Variants in TAFA4 observed in about 807,000 individuals in gnomAD.
TAFA4 encodes TAFA chemokine like family member 4.
In TAFA4, 20 loss-of-function variants were observed where a neutral mutation model predicts 21.1. The ratio of observed to expected loss-of-function variants is 0.95; its 90% CI spans 0.67 to 1.38. The LOEUF (loss-of-function observed/expected upper bound fraction) is 1.38, where lower values mean the gene tolerates loss of function less well. Among genes scored for constraint, TAFA4 ranks in the 40% most tolerant of loss-of-function variants. The pLI, the probability that TAFA4 is intolerant of heterozygous loss-of-function variation, is 0.00. For missense variants in TAFA4, 211 were observed against 180.9 expected (o/e 1.17, Z -0.95); for synonymous variants, 71 against 67.4 (o/e 1.05, Z -0.26).
rs926707768 is a variant in TAFA4 at position 68,843,908 on chromosome 3, A to G, written c.130+36822T>C. ...AATTAGCTTTTTGATGTGCTGCTGG[A>G]TTTGGTTTGCCAGTATTTTATTGAG... On this transcript the variant is annotated intron_variant, in intron 3 of 5. Transcript: ENST00000295569. 3.3e-5 allele frequency among the ~76,000 whole-genome samples: 5 copies of G among 152,178 alleles called. No homozygotes were observed. In the South Asian group the frequency reaches 1.0e-3, roughly 31 times the overall value.
intron 3 of TAFA4, among the ~76,000 whole-genome samples, chr3:68,852,167 A>G (rs1483862256): frequency 6.6e-6 from 1 of 152,202 alleles, no homozygotes; most frequent in African/African-American, 2.4e-5. Flanking sequence ...ACGGAGGCCA[A>G]TACAGAAAGA....
intron 3 of TAFA4, among the ~76,000 whole-genome samples, chr3:68,797,331 G>C (rs888331999): frequency 1.3e-5 from 2 of 152,032 alleles, no homozygotes; most frequent in African/African-American, 4.8e-5. Flanking sequence ...AAGGAAGACA[G>C]GGCCAGGTGT....
At chr3:68,917,340 T>C (rs1301500034) in intron 1 of TAFA4, among the ~76,000 whole-genome samples, 1 of 152,180 alleles carries the variant, frequency 6.6e-6, no homozygotes. Context: ...TATGAGACTG[T>C]GGTGGTTCTA....
chr3:68,865,519 C>T (rs1361900062), intron 3 of TAFA4, among the ~76,000 whole-genome samples: 1 of 152,078 alleles, frequency 6.6e-6, no homozygotes, highest in East Asian at 1.9e-4. Context: ...TGCCTGCCAC[C>T]ATGTAAAACA....
chr3:68,769,747 CCCA>C (rs1259477993), intron 3 of TAFA4, among the ~76,000 whole-genome samples: 2 of 152,196 alleles, frequency 1.3e-5, no homozygotes, highest in East Asian at 1.9e-4. Flanking sequence ...ATGCAGAAAT[CCCA>C]CCGAGTAGCA....
intron 3 of TAFA4, among the ~76,000 whole-genome samples, chr3:68,841,912 T>C (rs1390591573): frequency 6.6e-6 from 1 of 152,236 alleles, no homozygotes; most frequent in African/African-American, 2.4e-5. Flanking sequence ...TTCCATGGTG[T>C]ATATGTGCCA....
At chr3:68,766,299 G>GTCTT (rs1248885098) in intron 3 of TAFA4, among the ~76,000 whole-genome samples, 3 of 151,916 alleles carry the variant, frequency 2.0e-5, no homozygotes, top group Admixed American at 6.6e-5. Context: ...ATCTCATTAA[G>GTCTT]TCTTTGATAA....
rs546388060 is a variant in TAFA4, at chr3:68,914,858, T to TG, written c.-123+17381dup. 2.5e-3 allele frequency among the ~76,000 whole-genome samples: 373 copies of TG among 152,140 alleles called. 2 individuals carry two copies. Among genetic ancestry groups the TG allele is most frequent in the African/African-American group, 8.6e-3 (355 of 41,520 alleles). ...AATCGTGTTGACCTTCCCAAATGGT[T>TG]GGGGGAAAAAAAGAATAGTATTTAT... On this transcript the variant is annotated intron_variant, in intron 1 of 5. Coordinates refer to ENST00000295569, the MANE Select transcript of TAFA4 (RefSeq NM_182522.5).
intron 3 of TAFA4, among the ~76,000 whole-genome samples, chr3:68,807,715 G>T (rs184481402): frequency 2.6e-5 from 4 of 152,324 alleles, no homozygotes; most frequent in African/African-American, 9.6e-5. Flanking sequence ...TGTCAATCCA[G>T]AGAGTTGTTT....
At chr3:68,740,308 G>T (rs940198946) in intron 4 of TAFA4, among the ~76,000 whole-genome samples, 2 of 152,168 alleles carry the variant, frequency 1.3e-5, no homozygotes, top group Admixed American at 1.3e-4. Flanking sequence ...TCTTAAGTTT[G>T]ATGCTGTCAA....
At chr3:68,802,748 C>T (rs372846967) in intron 3 of TAFA4, among the ~76,000 whole-genome samples, 6 of 152,244 alleles carry the variant, frequency 3.9e-5, no homozygotes, top group East Asian at 1.9e-4. Context: ...ATCTTTCCAC[C>T]GCACAGTAAC....
intron 1 of TAFA4, among the ~76,000 whole-genome samples, chr3:68,891,882 A>G (rs957741670): frequency 2.6e-5 from 4 of 152,236 alleles, no homozygotes; most frequent in African/African-American, 9.6e-5. Flanking sequence ...CTTAAATAAC[A>G]CAATCACATT....
intron 3 of TAFA4, among the ~76,000 whole-genome samples, chr3:68,866,905 C>A (rs1383593372): frequency 6.6e-6 from 1 of 151,730 alleles, no homozygotes; most frequent in Non-Finnish European, 1.5e-5. Flanking sequence ...TGAAAAGGAA[C>A]AAAGGACACC....
intron 1 of TAFA4, among the ~76,000 whole-genome samples, chr3:68,905,535 A>G (rs1289366486): frequency 6.6e-6 from 1 of 152,172 alleles, no homozygotes; most frequent in East Asian, 1.9e-4. Flanking sequence ...TTAAAATTAG[A>G]TCAAAGAAAG....
chr3:68,764,053 G>A (rs143130003), intron 3 of TAFA4, among the ~76,000 whole-genome samples: 4 of 152,108 alleles, frequency 2.6e-5, no homozygotes, highest in East Asian at 1.9e-4. Flanking sequence ...TGTTATGAAC[G>A]GTACTGAATT....
intron 3 of TAFA4, among the ~76,000 whole-genome samples, chr3:68,780,338 G>C (rs543007267): frequency 7.2e-5 from 11 of 152,174 alleles, no homozygotes; most frequent in African/African-American, 2.7e-4. Flanking sequence ...GATTGGTTTT[G>C]AAATGTGAGG....
chr3:68,748,604 C>T (rs1702504626), intron 4 of TAFA4, among the ~76,000 whole-genome samples: 1 of 152,138 alleles, frequency 6.6e-6, no homozygotes, highest in Admixed American at 6.5e-5. Context: ...ATTAGCCAGG[C>T]ATGGTGGCAC....
At chr3:68,841,891 G>A (rs1335760756) in intron 3 of TAFA4, among the ~76,000 whole-genome samples, 3 of 152,088 alleles carry the variant, frequency 2.0e-5, no homozygotes, top group Admixed American at 2.0e-4. Context: ...CATTTTTATG[G>A]CTGCATAGTA....
At chr3:68,868,590 A>G (rs2106933361) in intron 3 of TAFA4, among the ~76,000 whole-genome samples, 1 of 152,192 alleles carries the variant, frequency 6.6e-6, no homozygotes, top group South Asian at 2.1e-4. Flanking sequence ...GAAATCAGTA[A>G]TAAGAACTTT....
Sources: allele counts gnomAD v4.1 joint callset (sites outside exome capture counted in the v4.1 genomes callset), GRCh38; gene constraint gnomAD v4.1.1; transcripts MANE v1.5; gene names NCBI Gene and HGNC (gene_info 2026-07-23, HGNC 2026-07-21).